Variants in FOXN3 observed in about 807,000 individuals in gnomAD.
FOXN3 encodes the protein forkhead box protein N3.
Under a neutral mutation model 38.4 loss-of-function variants are expected in FOXN3, and 7 were observed. The observed-to-expected ratio is 0.18, with a 90% CI of 0.10 to 0.34. The LOEUF is 0.34. FOXN3 is among the 10% of genes least tolerant of loss of function. The pLI, the probability that FOXN3 is intolerant of heterozygous loss-of-function variation, is 1.00. For missense variants in FOXN3, 456 were observed against 613.4 expected, an observed-to-expected ratio of 0.74 and a Z score of 2.71; for synonymous variants, 230 against 242.2, an observed-to-expected ratio of 0.95 and a Z score of 0.47.
chr14:89,164,599 G>A lies in FOXN3; in HGVS notation c.852-1630C>T, dbSNP rs567081987. On this transcript the variant is annotated intron_variant, in intron 5 of 5. Transcript: ENST00000557258. The surrounding 1 kb of genome is among the most constrained non-coding windows in gnomAD (Gnocchi z 4.3). ...TGCTAGGCCCCCAGTGGCTATCGCC[G>A]TGTCAGCACGGTGGACACAGCAGAT... 1.7e-3 allele frequency among the ~76,000 whole-genome samples: 263 copies of A among 152,294 alleles called. 1 individual carries two copies. Among genetic ancestry groups the A allele is most frequent in the African/African-American group, 6.1e-3 (252 of 41,558 alleles).
At chr14:89,276,961 C>G (rs970348006) in intron 4 of FOXN3, among the ~76,000 whole-genome samples, 5 of 152,118 alleles carry the variant, frequency 3.3e-5, no homozygotes, top group African/African-American at 1.2e-4. Flanking sequence ...GGGATGAAAC[C>G]ATCAGAGACC....
intron 4 of FOXN3, among the ~76,000 whole-genome samples, chr14:89,278,836 G>A (rs976607635): frequency 2.0e-5 from 3 of 152,160 alleles, no homozygotes; most frequent in Non-Finnish European, 4.4e-5. Flanking sequence ...ACCTGAGAGA[G>A]TGGCATTAAA....
chr14:89,228,291 T>C (rs8020158), intron 4 of FOXN3, among the ~76,000 whole-genome samples: 2,846 of 152,318 alleles, frequency 0.019, 87 homozygotes, highest in African/African-American at 0.065. Flanking sequence ...TTTTAGGGAT[T>C]TGTCAGACCT....
intron 3 of FOXN3, among the ~76,000 whole-genome samples, chr14:89,349,165 A>G (rs184833170): frequency 3.3e-5 from 5 of 152,290 alleles, no homozygotes; most frequent in Admixed American, 2.6e-4. Context: ...AACCTTGTAC[A>G]TCGGCAATTC....
At chr14:89,194,815 TTATG>T (rs983666574) in intron 4 of FOXN3, among the ~76,000 whole-genome samples, 1 of 151,664 alleles carries the variant, frequency 6.6e-6, no homozygotes, top group Non-Finnish European at 1.5e-5. Context: ...TGTCCAAAAA[TTATG>T]TATGTGAAAA....
At chr14:89,521,623 T>C (rs1894320257) in intron 1 of FOXN3, among the ~76,000 whole-genome samples, 1 of 151,914 alleles carries the variant, frequency 6.6e-6, no homozygotes, top group South Asian at 2.1e-4. Flanking sequence ...CCACAAACTT[T>C]CCAAATTTAA....
intron 3 of FOXN3, among the ~76,000 whole-genome samples, chr14:89,336,216 C>CTCCATCCATCCATCCATCTA (rs1888454352): frequency 7.0e-6 from 1 of 143,038 alleles, no homozygotes; most frequent in Non-Finnish European, 1.5e-5. Context: ...CTAACGGTGC[C>CTCCATCCATCCATCCATCTA]TCCATCCATC....
Position 89,398,757 on chromosome 14 carries a change from G to A in FOXN3, c.543+13177C>T, listed in dbSNP as rs375223129. On this transcript the variant is annotated intron_variant, in intron 2 of 5. Coordinates refer to ENST00000557258, the MANE Select transcript of FOXN3 (RefSeq NM_005197.4). ...TCCCAGCACTTTGGAAGGCTGAAGC[G>A]GCCAGATCACCTGAGGTCGGGAGTT... 3.3e-5 allele frequency among the ~76,000 whole-genome samples: 5 copies of A among 152,274 alleles called. No individual in the cohort carries two copies. The East Asian group carries it at 5.8e-4, about 18-fold the overall frequency.
intron 3 of FOXN3, among the ~76,000 whole-genome samples, chr14:89,289,034 T>G (rs1596157324): frequency 6.7e-6 from 1 of 149,732 alleles, no homozygotes; most frequent in African/African-American, 2.5e-5. Context: ...ATACAAAAAT[T>G]TGTTGGGCAT....
At chr14:89,386,283 G>A (rs1890786940) in intron 2 of FOXN3, among the ~76,000 whole-genome samples, 1 of 152,178 alleles carries the variant, frequency 6.6e-6, no homozygotes, top group African/African-American at 2.4e-5. Flanking sequence ...GAAATATAAG[G>A]CAACTCCCCT....
chr14:89,182,363 C>T (rs962395683), intron 4 of FOXN3, among the ~76,000 whole-genome samples: 2 of 152,162 alleles, frequency 1.3e-5, no homozygotes, highest in African/African-American at 2.4e-5. Context: ...TCCTGGTTTG[C>T]GTAAGGCCTT....
intron 3 of FOXN3, among the ~76,000 whole-genome samples, chr14:89,329,728 G>A (rs79162905): frequency 0.12 from 18,835 of 151,558 alleles, 1,244 homozygotes; most frequent in African/African-American, 0.17. Context: ...GTGTGGTGGC[G>A]GGCACCTGTC....
At chr14:89,274,997 T>C (rs1214326871) in intron 4 of FOXN3, among the ~76,000 whole-genome samples, 1 of 152,198 alleles carries the variant, frequency 6.6e-6, no homozygotes, top group Non-Finnish European at 1.5e-5. Context: ...AATATTTCAA[T>C]AGCTAACCTT....
chr14:89,492,939 C>T (rs950857734), intron 1 of FOXN3, among the ~76,000 whole-genome samples: 1 of 152,310 alleles, frequency 6.6e-6, no homozygotes, highest in Non-Finnish European at 1.5e-5. Context: ...CCTCCACATG[C>T]GTGGGTGCTC....
intron 1 of FOXN3, among the ~76,000 whole-genome samples, chr14:89,449,993 C>T (rs1386830098): frequency 6.6e-6 from 1 of 152,206 alleles, no homozygotes; most frequent in Non-Finnish European, 1.5e-5. Context: ...ACATCTCTGT[C>T]ACTCAAGCCG....
chr14:89,206,714 CAA>C (rs1888395584), intron 4 of FOXN3, among the ~76,000 whole-genome samples: 1 of 152,166 alleles, frequency 6.6e-6, no homozygotes, highest in Non-Finnish European at 1.5e-5. Flanking sequence ...CAAAACGAAA[CAA>C]AGAAAACTGG....
At chr14:89,590,407 A>G (rs1324436265) in intron 1 of FOXN3, among the ~76,000 whole-genome samples, 2 of 152,176 alleles carry the variant, frequency 1.3e-5, no homozygotes, top group Non-Finnish European at 2.9e-5. Flanking sequence ...ACTCAGGCAG[A>G]AGGAGGAAAG....
At chr14:89,388,601 C>CA (rs1890854677) in intron 2 of FOXN3, among the ~76,000 whole-genome samples, 1 of 152,042 alleles carries the variant, frequency 6.6e-6, no homozygotes, top group Non-Finnish European at 1.5e-5. Context: ...TTAGAGGAGA[C>CA]ACGTGATGAA....
At chr14:89,461,760 T>C (rs1892852370) in intron 1 of FOXN3, among the ~76,000 whole-genome samples, 1 of 152,014 alleles carries the variant, frequency 6.6e-6, no homozygotes, top group African/African-American at 2.4e-5. Context: ...GGGGCAACGA[T>C]CTGGACAGAC....
Sources: allele counts gnomAD v4.1 joint callset (sites outside exome capture counted in the v4.1 genomes callset), GRCh38; gene constraint gnomAD v4.1.1; non-coding constraint Gnocchi (gnomAD v3.1); transcripts MANE v1.5; gene names NCBI Gene and HGNC (gene_info 2026-07-23, HGNC 2026-07-21).